SNX24: variants seen among roughly 807,000 people sequenced by gnomAD.
SNX24 encodes the protein sorting nexin-24.
SNX24 carries 22 observed loss-of-function variants against 28.7 expected under a neutral mutation model. That is an observed-to-expected ratio of 0.77 (90% CI 0.55 to 1.10). The LOEUF is 1.10. SNX24 is among the 50% of genes least tolerant of loss of function. The probability of loss-of-function intolerance (pLI) is 0.00; values close to 1 mark genes in which losing one functional copy is unlikely to be tolerated. For missense variants in SNX24, 221 were observed against 201.1 expected (o/e 1.10, Z -0.60); for synonymous variants, 69 against 71.5 (o/e 0.96, Z 0.18).
At chr5:122,939,996 C>CTT (rs11419088) in intron 2 of SNX24, among the ~76,000 whole-genome samples, 54 of 147,714 alleles carry the variant, frequency 3.7e-4, no homozygotes, top group Admixed American at 1.3e-3. Context: ...TTTTCATTTT[C>CTT]TTTTTTTTTT....
chr5:122,877,669 T>C (rs1756293193), intron 1 of SNX24, among the ~76,000 whole-genome samples: 1 of 152,216 alleles, frequency 6.6e-6, no homozygotes, highest in African/African-American at 2.4e-5. Context: ...CTGTGTCTCA[T>C]GATCTTCTGC....
At chr5:122,917,590 C>T (rs1198223493) in intron 1 of SNX24, among the ~76,000 whole-genome samples, 2 of 152,140 alleles carry the variant, frequency 1.3e-5, no homozygotes, top group Non-Finnish European at 1.5e-5. Flanking sequence ...TTTAAGTTTG[C>T]AGCTATATCT....
chr5:122,912,758 T>C (rs1757948997), intron 1 of SNX24, among the ~76,000 whole-genome samples: 1 of 150,458 alleles, frequency 6.6e-6, no homozygotes, highest in Non-Finnish European at 1.5e-5. Context: ...TTTTAATTGA[T>C]CATTCTTGGG....
Position 122,958,722 on chromosome 5 carries a change from A to AT in SNX24, c.249+12563_249+12564insT, listed in dbSNP as rs1390642973. On this transcript the variant is annotated intron_variant, in intron 3 of 6. Transcript: ENST00000261369. ...TAGTCTTTTTATTTTTTAATTTTTAAATTTTTTTTGTATTTTTAGTAGAGA... is the reference window on the plus strand; with the variant it reads ...TAGTCTTTTTATTTTTTAATTTTTAATATTTTTTTTGTATTTTTAGTAGAGA... 2.9e-4 allele frequency among the ~76,000 whole-genome samples: 17 copies of AT among 58,824 alleles called. No homozygotes were observed. The East Asian group carries it at 0.038, about 132-fold the overall frequency. 38.6% of individuals were successfully genotyped at this position (58,824 alleles called of 152,430 possible).
At chr5:122,925,077 C>T (rs573393383) in intron 1 of SNX24, among the ~76,000 whole-genome samples, 2 of 143,372 alleles carry the variant, frequency 1.4e-5, no homozygotes, top group East Asian at 4.2e-4. Context: ...TCCCTTTTCC[C>T]TCCTCTTCCC....
chr5:122,897,990 A>G (rs1262342338), intron 1 of SNX24, among the ~76,000 whole-genome samples: 1 of 152,240 alleles, frequency 6.6e-6, no homozygotes, highest in East Asian at 1.9e-4. Flanking sequence ...TAAGATCAAC[A>G]GTATTGTAAA....
intron 1 of SNX24, among the ~76,000 whole-genome samples, chr5:122,912,937 A>G (rs1179373438): frequency 2.6e-5 from 4 of 151,986 alleles, no homozygotes; most frequent in Non-Finnish European, 5.9e-5. Context: ...GCTGCCTTCA[A>G]GCATCTGTTT....
At chr5:123,002,809 C>T (rs1468289935) in intron 6 of SNX24, among the ~76,000 whole-genome samples, 1 of 152,142 alleles carries the variant, frequency 6.6e-6, no homozygotes, top group African/African-American at 2.4e-5. Flanking sequence ...TCATCAGAGT[C>T]CCTCTCAAAG....
At chr5:123,022,060 T>C (rs760487139) in intron 5 of SNX24, among the ~76,000 whole-genome samples, 1 of 152,140 alleles carries the variant, frequency 6.6e-6, no homozygotes, top group East Asian at 1.9e-4. Flanking sequence ...TTCACAGCAC[T>C]CATCACCCTT....
rs1762502206 is a variant in SNX24, at chr5:123,008,890, G to A, written c.*1141G>A. On this transcript the variant is annotated 3_prime_UTR_variant, in exon 7 of 7. Coordinates refer to ENST00000261369, the MANE Select transcript of SNX24 (RefSeq NM_014035.4). ...TACCTATATGTATGTGCTGTATGTG[G>A]GCATTTCATTGAGATCTAATTAATA... 3 of 984,016 alleles carry A rather than the reference G, an allele frequency of 3.0e-6. No homozygotes were observed. The South Asian group carries it at 1.4e-4, about 46-fold the overall frequency. 61.0% of individuals were successfully genotyped at this position (984,016 alleles called of 1,614,324 possible). A position where few individuals can be genotyped will look rare whatever the true frequency, so the allele number is the denominator to read the frequency against.
chr5:122,879,763 G>A (rs1006535017), intron 1 of SNX24, among the ~76,000 whole-genome samples: 4 of 151,340 alleles, frequency 2.6e-5, no homozygotes, highest in African/African-American at 4.9e-5. Flanking sequence ...TCAAGTGATC[G>A]TCCTGCCTTG....
intron 2 of SNX24, among the ~76,000 whole-genome samples, chr5:122,944,117 AC>A (rs767089357): frequency 6.6e-6 from 1 of 152,244 alleles, no homozygotes. Flanking sequence ...AAAACTAAAA[AC>A]AGGCAGTCCA....
intron 1 of SNX24, among the ~76,000 whole-genome samples, chr5:122,860,549 G>T (rs1755412045): frequency 6.6e-6 from 1 of 152,184 alleles, no homozygotes; most frequent in South Asian, 2.1e-4. Context: ...CACTAACAGT[G>T]AGAGGTGCAT....
intron 1 of SNX24, among the ~76,000 whole-genome samples, chr5:122,913,217 T>C (rs2150091944): frequency 6.6e-6 from 1 of 152,344 alleles, no homozygotes; most frequent in Middle Eastern, 3.4e-3. Context: ...CGGTTCTCAA[T>C]GAGCTGTTGG....
At chr5:123,021,564 G>GTT (rs1486384397) in intron 5 of SNX24, among the ~76,000 whole-genome samples, 1 of 152,190 alleles carries the variant, frequency 6.6e-6, no homozygotes, top group Non-Finnish European at 1.5e-5. Flanking sequence ...ATTCCAAAAA[G>GTT]TTATAAATGT....
intron 1 of SNX24, among the ~76,000 whole-genome samples, chr5:122,894,872 G>GCTGTAGT (rs1452681038): frequency 7.2e-5 from 11 of 152,142 alleles, no homozygotes; most frequent in African/African-American, 2.7e-4. Flanking sequence ...TAACTGTTAT[G>GCTGTAGT]CTGTAGTCTA....
chr5:123,013,869 T>C (rs1762636288), downstream of SNX24, among the ~76,000 whole-genome samples: 1 of 152,304 alleles, frequency 6.6e-6, no homozygotes, highest in Admixed American at 6.5e-5. Flanking sequence ...CGTTAAGTTC[T>C]TTACAGAGTA....
intron 1 of SNX24, among the ~76,000 whole-genome samples, chr5:122,890,279 T>G (rs1332403871): frequency 6.6e-6 from 1 of 152,174 alleles, no homozygotes; most frequent in African/African-American, 2.4e-5. Context: ...TTTCCTTTTA[T>G]AATTATTAAC....
At chr5:122,986,545 G>C (rs1761611767) in intron 3 of SNX24, among the ~76,000 whole-genome samples, 1 of 152,164 alleles carries the variant, frequency 6.6e-6, no homozygotes, top group Non-Finnish European at 1.5e-5. Context: ...GCTGAGTAAA[G>C]TGAGGTTAGA....
Sources: gnomAD v4.1 joint callset for allele counts (sites outside exome capture counted in the v4.1 genomes callset) on GRCh38, gnomAD v4.1.1 for gene constraint, MANE v1.5 for transcripts, NCBI Gene and HGNC (gene_info 2026-07-23, HGNC 2026-07-21) for gene names.